NAV1: variants seen among roughly 807,000 people sequenced by gnomAD.
The protein encoded by NAV1 is neuron navigator 1.
A neutral mutation model predicts 175.2 loss-of-function variants in NAV1; 18 were observed. The observed-to-expected ratio is 0.10, with a 90% CI of 0.07 to 0.15. The LOEUF is 0.15. Ranked by LOEUF, NAV1 falls within the 10% of genes least tolerant of loss-of-function variation. The probability of loss-of-function intolerance (pLI) is 1.00; values close to 1 mark genes in which losing one functional copy is unlikely to be tolerated. For missense variants in NAV1, 1,731 were observed against 2,436.6 expected (o/e 0.71, Z 6.10); for synonymous variants, 897 against 978.7 (o/e 0.92, Z 1.56).
At chr1:201,650,516 G>T (rs1669156849) in intron 1 of NAV1, among the ~76,000 whole-genome samples, 1 of 152,218 alleles carries the variant, frequency 6.6e-6, no homozygotes, top group Admixed American at 6.5e-5. Context: ...GTACCCGGCA[G>T]GCTGCCCGCC....
upstream of NAV1, among the ~76,000 whole-genome samples, chr1:201,620,146 C>A (rs909501640): frequency 1.3e-5 from 2 of 152,160 alleles, no homozygotes; most frequent in African/African-American, 4.8e-5. Flanking sequence ...TGGTCCCAGA[C>A]CACAGAGTCA....
chr1:201,615,198 G>A (rs1401617646), intron 2 of NAV1, among the ~76,000 whole-genome samples: 2 of 152,122 alleles, frequency 1.3e-5, no homozygotes, highest in Non-Finnish European at 1.5e-5. Flanking sequence ...TTCCCTTTGG[G>A]AGGACGGAGG....
chr1:201,610,286 C>T (rs1326887725), intron 2 of NAV1, among the ~76,000 whole-genome samples: 11 of 152,234 alleles, frequency 7.2e-5, no homozygotes, highest in Admixed American at 6.5e-4. Context: ...GAGTCATTCA[C>T]GTGGACCAAA....
At chr1:201,713,755 C>A (rs1456083678) in intron 2 of NAV1, among the ~76,000 whole-genome samples, 1 of 152,080 alleles carries the variant, frequency 6.6e-6, no homozygotes, top group Admixed American at 6.6e-5. Context: ...AGGAAGCCTC[C>A]CCAGTTAGAC....
intron 3 of NAV1, among the ~76,000 whole-genome samples, chr1:201,752,631 C>G (rs1480186518): frequency 6.7e-6 from 1 of 149,284 alleles, no homozygotes; most frequent in African/African-American, 2.5e-5. Flanking sequence ...TTTAATTGCT[C>G]TGTAGAAATG....
chr1:201,795,741 T>C (rs1304181529), intron 15 of NAV1: 1 of 151,668 alleles, frequency 6.6e-6, no homozygotes, highest in Non-Finnish European at 1.5e-5. Context: ...TTTTAGTACT[T>C]ATTTTCCTTT....
chr1:201,556,410 C>T (rs1666013087), intron 1 of NAV1, among the ~76,000 whole-genome samples: 1 of 149,202 alleles, frequency 6.7e-6, no homozygotes, highest in African/African-American at 2.5e-5. Flanking sequence ...AGAGGAAGAC[C>T]CTGTCTCAAA....
At chr1:201,723,726 T>G (rs1672488649) in intron 3 of NAV1, 1 of 152,238 alleles carries the variant, frequency 6.6e-6, no homozygotes, top group Non-Finnish European at 1.5e-5. Context: ...TGACAGACAG[T>G]CTTTCATCCT....
chr1:201,770,468 A>G (rs1175237488), intron 3 of NAV1, among the ~76,000 whole-genome samples: 2 of 152,222 alleles, frequency 1.3e-5, no homozygotes, highest in Non-Finnish European at 2.9e-5. Flanking sequence ...AGGGAATCGT[A>G]TAGTGTCCTA....
chr1:201,749,502 G>C (rs1673972253), intron 3 of NAV1, among the ~76,000 whole-genome samples: 1 of 152,214 alleles, frequency 6.6e-6, no homozygotes, highest in Non-Finnish European at 1.5e-5. Context: ...GTTGCCAACA[G>C]GCTGCTCTCA....
At chr1:201,627,292 A>C (rs1335424120) in intron 1 of NAV1, among the ~76,000 whole-genome samples, 1 of 150,650 alleles carries the variant, frequency 6.6e-6, no homozygotes, top group South Asian at 2.1e-4. Context: ...TTTTTTTTTG[A>C]AATGGAGTCT....
rs146956382 is a variant in NAV1, at chr1:201,799,223, CA to C, written c.3518-4366del. Among the ~76,000 whole-genome samples the C allele has an allele frequency of 1.6e-3, 247 of 151,496 alleles. 3 individuals are homozygous for C. The highest frequency in any genetic ancestry group is 5.7e-3 in the African/African-American group (237 of 41,346). On this transcript the variant is annotated intron_variant, in intron 15 of 29. Coordinates refer to ENST00000367296, the Ensembl canonical transcript of NAV1. Reference sequence around the variant, plus strand: ...AGAGAGAGAGAGAAAGCAAATAAAACAAAATATTAACAATTGTTGAATTAGG... The same window carrying C: ...AGAGAGAGAGAGAAAGCAAATAAAACAAATATTAACAATTGTTGAATTAGG...
chr1:201,619,726 C>A (rs946510311), upstream of NAV1, among the ~76,000 whole-genome samples: 1 of 152,176 alleles, frequency 6.6e-6, no homozygotes, highest in South Asian at 2.1e-4. Flanking sequence ...CAGTCTGTGT[C>A]CTGGTGGGTG....
intron 1 of NAV1, among the ~76,000 whole-genome samples, chr1:201,659,532 A>C (rs1364120431): frequency 6.6e-6 from 1 of 152,146 alleles, no homozygotes; most frequent in Non-Finnish European, 1.5e-5. Context: ...AGGTGGGAGG[A>C]TCACTTGAGC....
chr1:201,774,980 A>G (rs1012450124), intron 3 of NAV1, among the ~76,000 whole-genome samples: 3 of 152,274 alleles, frequency 2.0e-5, no homozygotes, highest in East Asian at 1.9e-4. Context: ...CAGCAACTCA[A>G]TTTGCACCCC....
rs199722342 is a variant in NAV1 at position 201,757,732 on chromosome 1, AC to A, written c.1227-22685del. Among the ~76,000 whole-genome samples, 783 of 152,222 alleles carry A rather than the reference AC, an allele frequency of 5.1e-3. 12 individuals carry two copies. Among genetic ancestry groups the A allele is most frequent in the African/African-American group, 0.016 (677 of 41,526 alleles). On this transcript the variant is annotated intron_variant, in intron 3 of 29. Coordinates refer to ENST00000367296, the Ensembl canonical transcript of NAV1. ...CATCCAGCGAGGCACAAGAGGGTTG[AC>A]CCCAAAGCCTAAGCTGTGGGGCATC...
At chr1:201,561,664 C>T (rs924858955) in intron 1 of NAV1, among the ~76,000 whole-genome samples, 4 of 152,190 alleles carry the variant, frequency 2.6e-5, no homozygotes, top group African/African-American at 4.8e-5. Flanking sequence ...AGAAGTTTTT[C>T]CCTATTAGGC....
rs1676411310 is a variant in NAV1 at position 201,782,697 on chromosome 1, G to A, written c.2185G>A (p.Ala729Thr). The change falls in exon 6 of 30, where the codon GCC (alanine) becomes ACC (threonine). Residue 729 changes from alanine (A) to threonine (T), a missense_variant. Physicochemically the swap from Ala to Thr is moderately conservative, Grantham distance 58 (BLOSUM62 0). Coordinates refer to ENST00000367296, the Ensembl canonical transcript of NAV1. This position sits in a 1 kb window ranked among gnomAD's most constrained non-coding sequence, Gnocchi z 5.4. ...GGTAGCCAGTGGGCGGACCACTCCA[G>A]CCCCTGTCAATCAGACAGATCGGGA... The A allele has an allele frequency of 1.2e-6, 2 of 1,614,178 alleles. No individual in the cohort carries two copies. The highest frequency in any genetic ancestry group is 1.7e-6 in the Non-Finnish European group (2 of 1,180,030).
exon 7 of NAV1, chr1:201,783,475 G>T: frequency 6.2e-7 from 1 of 1,614,134 alleles, no homozygotes; most frequent in Admixed American, 1.7e-5. Context: ...CCAACAGTCT[G>T]GATCTACCAT....
Sources: allele counts gnomAD v4.1 joint callset (sites outside exome capture counted in the v4.1 genomes callset), GRCh38; gene constraint gnomAD v4.1.1; non-coding constraint Gnocchi (gnomAD v3.1); transcripts MANE v1.5; gene names NCBI Gene and HGNC (gene_info 2026-07-23, HGNC 2026-07-21).